Variants in GMPS observed in about 807,000 individuals in gnomAD.
The protein encoded by GMPS is guanosine monophosphate synthase.
In GMPS, 15 loss-of-function variants were observed where a neutral mutation model predicts 77.9. The ratio of observed to expected loss-of-function variants is 0.19; its 90% CI spans 0.13 to 0.30. The LOEUF (loss-of-function observed/expected upper bound fraction) is 0.30, where lower values mean the gene tolerates loss of function less well. GMPS is among the 10% of genes least tolerant of loss of function. The pLI is 1.00. For missense variants in GMPS, 590 were observed against 838.8 expected, an observed-to-expected ratio of 0.70 and a Z score of 3.66; for synonymous variants, 224 against 275.9, an observed-to-expected ratio of 0.81 and a Z score of 1.86.
chr3:155,920,680 T>G (rs917258073), intron 10 of GMPS, among the ~76,000 whole-genome samples: 8 of 152,182 alleles, frequency 5.3e-5, no homozygotes, highest in African/African-American at 1.9e-4. Flanking sequence ...CTAGACTCAC[T>G]TGATGTTTTA....
chr3:155,878,793 A>G (rs1171714138), intron 1 of GMPS, among the ~76,000 whole-genome samples: 1 of 152,128 alleles, frequency 6.6e-6, no homozygotes, highest in East Asian at 1.9e-4. Context: ...TGGAGAACCT[A>G]CCAAGCTGGT....
Position 155,939,649 on chromosome 3 carries a change from A to G in GMPS, c.*1957A>G, listed in dbSNP as rs1253191367. On this transcript the variant is annotated 3_prime_UTR_variant, in exon 16 of 16. Coordinates refer to ENST00000496455, the MANE Select transcript of GMPS (RefSeq NM_003875.3). ...TATTTGTTTTTTGAACACCTTTTAT[A>G]TAATCCCTTCTAATATATACTTAGT... 1 of 193,298 alleles carries G rather than the reference A, an allele frequency of 5.2e-6. No homozygotes were observed. Among genetic ancestry groups the G allele is most frequent in the Non-Finnish European group, 1.1e-5 (1 of 92,584 alleles). The allele number at this position is 193,298 out of a possible 1,614,324, so 12.0% of individuals were successfully genotyped here. A position where few individuals can be genotyped will look rare whatever the true frequency, so the allele number is the denominator to read the frequency against.
chr3:155,883,191 GCT>G (rs765368615), intron 1 of GMPS, among the ~76,000 whole-genome samples: 3 of 151,906 alleles, frequency 2.0e-5, no homozygotes, highest in Non-Finnish European at 4.4e-5. Flanking sequence ...CATGCCTCAG[GCT>G]CCCGAGTAAC....
chr3:155,920,574 T>TAAAA (rs145651357), intron 10 of GMPS, among the ~76,000 whole-genome samples: 1 of 109,740 alleles, frequency 9.1e-6, no homozygotes, highest in African/African-American at 3.6e-5. Flanking sequence ...GACTCCATCT[T>TAAAA]AAAAAAAAAA....
In GMPS at chr3:155,922,221, A is replaced by G; in HGVS notation, c.1353A>G (p.Glu451=). The G allele has an allele frequency of 6.4e-7, 1 of 1,565,584 alleles. No individual in the cohort carries two copies. The highest frequency in any genetic ancestry group is 1.9e-5 in the Admixed American group (1 of 52,354). The change falls in exon 11 of 16, where the codon GAA becomes GAG. Residue 451 remains glutamate, a synonymous_variant. Transcript: ENST00000496455. ...PGLAIRVICA[E]EPYICKDFPE... ...TGGCAATCAGAGTAATATGTGCTGA[A>G]GAACCTTATATTTGTAAGGACTTTC...
chr3:155,904,110 G>T (rs1577515305), intron 4 of GMPS, 150 bp downstream of exon 4: 1 of 495,322 alleles, frequency 2.0e-6, no homozygotes. Context: ...TTGCCTTCCA[G>T]TTGAGTGTCA....
chr3:155,935,069 T>G, intron 14 of GMPS, 23 bp downstream of exon 14: 1 of 1,574,040 alleles, frequency 6.4e-7, no homozygotes, highest in Non-Finnish European at 8.7e-7. Flanking sequence ...TGTTTTTGAT[T>G]ACTACCCTCT....
At chr3:155,918,927 A>T in intron 9 of GMPS, among the ~76,000 whole-genome samples, 1 of 152,190 alleles carries the variant, frequency 6.6e-6, no homozygotes, top group East Asian at 1.9e-4. Flanking sequence ...GAACACTAGT[A>T]TATTTTCTAA....
rs1754191244 is a variant in GMPS, at chr3:155,880,778, T to G, written c.27+9881T>G. Among the ~76,000 whole-genome samples, 2 of 152,188 alleles carry G rather than the reference T, an allele frequency of 1.3e-5. 1 individual carries two copies. The highest frequency in any genetic ancestry group is 1.3e-4 in the Admixed American group (2 of 15,268). The stretch of plus-strand genomic sequence containing the variant: ...TCTGTCGGTTTGTCTGTTAGGCATA[T>G]TATCTTGCCTAAGGTGGTACATCTT... On this transcript the variant is annotated intron_variant, in intron 1 of 15. Coordinates refer to ENST00000496455, the MANE Select transcript of GMPS (RefSeq NM_003875.3).
intron 11 of GMPS, among the ~76,000 whole-genome samples, chr3:155,924,902 A>G (rs1755411438): frequency 6.6e-6 from 1 of 152,234 alleles, no homozygotes; most frequent in East Asian, 1.9e-4. Context: ...AAAAAAAAAG[A>G]AATGGCTAAA....
At chr3:155,906,461 C>T (rs1754884891) in intron 5 of GMPS, among the ~76,000 whole-genome samples, 198 bp downstream of exon 5, 1 of 152,114 alleles carries the variant, frequency 6.6e-6, no homozygotes, top group African/African-American at 2.4e-5. Context: ...AGAAGTCTCT[C>T]ACTTACTGGT....
chr3:155,934,855 A>G, intron 13 of GMPS, 61 bp from the exon 14 acceptor site: 2 of 1,134,734 alleles, frequency 1.8e-6, no homozygotes, highest in Non-Finnish European at 2.7e-6. Flanking sequence ...TTCTCATACT[A>G]AAATGTAATT....
rs573047809 is a variant in GMPS, at chr3:155,918,028, C to T, written c.1213-1205C>T. The stretch of plus-strand genomic sequence containing the variant: ...TTCTCTTTTTAATTTTTTTGAGGAA[C>T]TTATTGTCCATAGCAATTGCACCAT... On this transcript the variant is annotated intron_variant, in intron 9 of 15. Coordinates refer to ENST00000496455, the MANE Select transcript of GMPS (RefSeq NM_003875.3). Among the ~76,000 whole-genome samples, 8 of 152,250 alleles carry T rather than the reference C, an allele frequency of 5.3e-5. No homozygotes were observed. In the South Asian group the frequency reaches 1.7e-3, roughly 32 times the overall value.
At chr3:155,871,249 C>T (rs1018593364) in intron 1 of GMPS, among the ~76,000 whole-genome samples, 1 of 152,014 alleles carries the variant, frequency 6.6e-6, no homozygotes, top group Non-Finnish European at 1.5e-5. Context: ...GCTTGTGTGT[C>T]TGCGTGTCGG....
chr3:155,884,398 A>G (rs576815682), intron 1 of GMPS, among the ~76,000 whole-genome samples: 145 of 152,052 alleles, frequency 9.5e-4, no homozygotes, highest in Middle Eastern at 6.8e-3. Flanking sequence ...GAAAAAAAAA[A>G]AAAAGAAAAA....
At chr3:155,914,955 G>T (rs1432594236) in intron 8 of GMPS, among the ~76,000 whole-genome samples, 2 of 151,420 alleles carry the variant, frequency 1.3e-5, no homozygotes, top group African/African-American at 4.9e-5. Context: ...TTTTAGTAGA[G>T]ACGGGGGTTT....
chr3:155,895,653 G>A (rs1754585494), intron 2 of GMPS: 1 of 152,116 alleles, frequency 6.6e-6, no homozygotes, highest in Non-Finnish European at 1.5e-5. Context: ...CATAAAATTG[G>A]TATTTGGAAT....
In GMPS at chr3:155,940,782, GAC is replaced by G. The variant is rs955695548; in HGVS notation, c.*3094_*3095del. 6 of 192,080 alleles carry G rather than the reference GAC, an allele frequency of 3.1e-5. No homozygotes were observed. Among genetic ancestry groups the G allele is most frequent in the African/African-American group, 7.4e-5 (3 of 40,350 alleles). The allele number at this position is 192,080 out of a possible 1,614,324, so 11.9% of individuals were successfully genotyped here. ...TTAAGGTTCTTTTATCATCAGATAT[GAC>G]ACAAAGGGAAACATCAAAATGCACC... On this transcript the variant is annotated 3_prime_UTR_variant, in exon 16 of 16. Transcript: ENST00000496455.
chr3:155,931,216 C>G (rs1366447007), intron 12 of GMPS, among the ~76,000 whole-genome samples: 1 of 151,582 alleles, frequency 6.6e-6, no homozygotes, highest in Non-Finnish European at 1.5e-5. Context: ...CAGAGTTTCA[C>G]TCTGTCACCC....
Sources: gnomAD v4.1 joint callset for allele counts (sites outside exome capture counted in the v4.1 genomes callset) on GRCh38, gnomAD v4.1.1 for gene constraint, MANE v1.5 for transcripts, NCBI Gene and HGNC (gene_info 2026-07-23, HGNC 2026-07-21) for gene names.